Variants in POLR3K observed in about 807,000 individuals in gnomAD.
POLR3K encodes the protein RNA polymerase III subunit K.
Under a neutral mutation model 13.5 loss-of-function variants are expected in POLR3K, and 11 were observed. The ratio of observed to expected loss-of-function variants is 0.81; its 90% CI spans 0.51 to 1.35. The LOEUF (loss-of-function observed/expected upper bound fraction) is 1.35. Among genes scored for constraint, POLR3K ranks in the 40% most tolerant of loss-of-function variants. POLR3K has a pLI of 0.00. For missense variants in POLR3K, 144 were observed against 145.3 expected (o/e 0.99, Z 0.05); for synonymous variants, 56 against 51.5 (o/e 1.09, Z -0.38).
intron 2 of POLR3K, among the ~76,000 whole-genome samples, chr16:49,588 G>A (rs919421991): frequency 5.3e-5 from 8 of 150,692 alleles, no homozygotes; most frequent in Non-Finnish European, 7.4e-5. Flanking sequence ...TCCTGCCTCA[G>A]CCTCCTGAGT....
intron 1 of POLR3K, among the ~76,000 whole-genome samples, chr16:52,631 T>C (rs1240119457): frequency 2.0e-5 from 3 of 150,210 alleles, no homozygotes; most frequent in Non-Finnish European, 4.4e-5. Flanking sequence ...CCAGGGGTGG[T>C]GGCGGACGCC....
chr16:50,667 C>A (rs528588111), intron 2 of POLR3K, among the ~76,000 whole-genome samples: 2 of 152,036 alleles, frequency 1.3e-5, no homozygotes, highest in South Asian at 4.2e-4. Context: ...GGTCTACAGG[C>A]GAGCGCCACC....
At position 47,325 on chromosome 16, in the gene POLR3K, C is replaced by G; in HGVS notation, c.*105G>C. On this transcript the variant is annotated 3_prime_UTR_variant, in exon 3 of 3. Coordinates refer to ENST00000293860, the MANE Select transcript of POLR3K (RefSeq NM_016310.5). Reference sequence around the variant, plus strand: ...TCACCTCAAAAGGTTTATCTTTCCACCACACTAGCAAAGACCCTCAGGACA... The same window carrying G: ...TCACCTCAAAAGGTTTATCTTTCCAGCACACTAGCAAAGACCCTCAGGACA... 2 of 1,415,972 alleles carry G rather than the reference C, an allele frequency of 1.4e-6. No homozygotes were observed. Among genetic ancestry groups the G allele is most frequent in the Non-Finnish European group, 1.9e-6 (2 of 1,053,568 alleles). The allele number at this position is 1,415,972 out of a possible 1,614,324, so 87.7% of individuals were successfully genotyped here. A position where few individuals can be genotyped will look rare whatever the true frequency, so the allele number is the denominator to read the frequency against.
intron 2 of POLR3K, 76 bp from the exon 3 acceptor site, chr16:47,633 A>G (rs1897295910): frequency 6.7e-7 from 1 of 1,503,526 alleles, no homozygotes; most frequent in Admixed American, 1.8e-5. Context: ...GGTATTACTT[A>G]ATATGTGGGA....
chr16:53,202 T>C (rs1348114817), intron 1 of POLR3K: 3 of 520,298 alleles, frequency 5.8e-6, no homozygotes, highest in Non-Finnish European at 9.5e-6. Flanking sequence ...AGCACGGACC[T>C]GCGTGCCTCA....
chr16:48,010 C>T (rs1897299656), intron 2 of POLR3K, among the ~76,000 whole-genome samples: 1 of 149,108 alleles, frequency 6.7e-6, no homozygotes, highest in Non-Finnish European at 1.5e-5. Flanking sequence ...TTGCCTCAGC[C>T]TCCCAAGTAG....
chr16:47,818 T>C (rs1237504487), intron 2 of POLR3K, among the ~76,000 whole-genome samples: 1 of 124,358 alleles, frequency 8.0e-6, no homozygotes, highest in Non-Finnish European at 1.6e-5. Context: ...GAGGCAGAGA[T>C]TGCAGTGAGC....
chr16:47,682 G>C, intron 2 of POLR3K, 125 bp from the exon 3 acceptor site: 1 of 927,716 alleles, frequency 1.1e-6, no homozygotes, highest in South Asian at 1.6e-5. Flanking sequence ...AGGAGTTCGA[G>C]ACCATCCTGG....
At chr16:49,574 A>G (rs532525068) in intron 2 of POLR3K, among the ~76,000 whole-genome samples, 49 of 150,968 alleles carry the variant, frequency 3.2e-4, no homozygotes, top group African/African-American at 1.2e-3. Context: ...GGTTCAAGCA[A>G]TTCTCCTGCC....
At chr16:48,450 A>G (rs1897302596) in intron 2 of POLR3K, among the ~76,000 whole-genome samples, 1 of 152,172 alleles carries the variant, frequency 6.6e-6, no homozygotes, top group African/African-American at 2.4e-5. Context: ...AATGCCTAAG[A>G]CTAAGTAATG....
intron 1 of POLR3K, among the ~76,000 whole-genome samples, chr16:52,765 CAAAAAAAAAAAAAAA>C (rs946489081): frequency 4.8e-4 from 16 of 33,598 alleles, no homozygotes; most frequent in African/African-American, 1.5e-3. Flanking sequence ...GACTCCGTCT[CAAAAAAAAAAAAAAA>C]AAAAAAAAAA....
chr16:49,773 G>A (rs1897316160), intron 2 of POLR3K, among the ~76,000 whole-genome samples: 1 of 151,774 alleles, frequency 6.6e-6, no homozygotes, highest in Admixed American at 6.6e-5. Flanking sequence ...CCAAGTAGCT[G>A]GGATTACAGG....
Position 47,568 on chromosome 16 carries a change from GAAAA to G in POLR3K, c.200-15_200-12del, listed in dbSNP as rs1050793151. 6 of 1,608,848 alleles carry G rather than the reference GAAAA, an allele frequency of 3.7e-6. No individual in the cohort carries two copies. The African/African-American group carries it at 8.0e-5, about 22-fold the overall frequency. ...ATTTGGGACACGACTCTGGCAATGAGAAAAAAGAAGTGACCACATTTAAAAAAAG... is the reference window on the plus strand; with the variant it reads ...ATTTGGGACACGACTCTGGCAATGAGAAGAAGTGACCACATTTAAAAAAAG... On this transcript the variant is annotated splice_polypyrimidine_tract_variant and intron_variant, in intron 2 of 2. Coordinates refer to ENST00000293860, the MANE Select transcript of POLR3K (RefSeq NM_016310.5).
intron 2 of POLR3K, among the ~76,000 whole-genome samples, chr16:49,561 C>G (rs2141833800): frequency 6.6e-6 from 1 of 151,790 alleles, no homozygotes; most frequent in Non-Finnish European, 1.5e-5. Flanking sequence ...ACCTCCGCCT[C>G]CTGGTTCAAG....
chr16:51,862 T>C (rs1897334198), intron 1 of POLR3K: 3 of 414,856 alleles, frequency 7.2e-6, no homozygotes, highest in African/African-American at 2.1e-5. Context: ...CTACTAAAAA[T>C]ACAAAAAATT....
Position 47,288 on chromosome 16 carries a change from C to T in POLR3K, c.*142G>A. The T allele has an allele frequency of 9.0e-7, 1 of 1,111,272 alleles. No individual in the cohort carries two copies. The highest frequency in any genetic ancestry group is 1.7e-5 in the South Asian group (1 of 57,990). The allele number at this position is 1,111,272 out of a possible 1,614,324, so 68.8% of individuals were successfully genotyped here. A position where few individuals can be genotyped will look rare whatever the true frequency, so the allele number is the denominator to read the frequency against. On this transcript the variant is annotated 3_prime_UTR_variant, in exon 3 of 3. Coordinates refer to ENST00000293860, the MANE Select transcript of POLR3K (RefSeq NM_016310.5). Reference sequence around the variant, plus strand: ...CTGGCAGATAGGCCATATTTCCTGACCCCCTGGCTCTTCACCTCAAAAGGT... The same window carrying T: ...CTGGCAGATAGGCCATATTTCCTGATCCCCTGGCTCTTCACCTCAAAAGGT...
rs749087814 is a variant in POLR3K at position 47,408 on chromosome 16, G to C, written c.*22C>G. 1.2e-6 allele frequency: 2 copies of C among 1,609,602 alleles called. No individual in the cohort carries two copies. Among genetic ancestry groups the C allele is most frequent in the Non-Finnish European group, 1.7e-6 (2 of 1,177,292 alleles). ...CGAGGGACAAGGCAAGCACACACTAGGGCAGCTGGGCCATCCTGGCCCTAA... is the reference window on the plus strand; with the variant it reads ...CGAGGGACAAGGCAAGCACACACTACGGCAGCTGGGCCATCCTGGCCCTAA... On this transcript the variant is annotated 3_prime_UTR_variant, in exon 3 of 3. Coordinates refer to ENST00000293860, the MANE Select transcript of POLR3K (RefSeq NM_016310.5).
At chr16:47,718 C>T (rs1474820514) in intron 2 of POLR3K, among the ~76,000 whole-genome samples, 161 bp from the exon 3 acceptor site, 1 of 151,330 alleles carries the variant, frequency 6.6e-6, no homozygotes, top group Admixed American at 6.6e-5. Context: ...CCCATCTCTA[C>T]TAAAAATACA....
At chr16:50,683 C>T (rs1897323693) in intron 2 of POLR3K, among the ~76,000 whole-genome samples, 1 of 152,002 alleles carries the variant, frequency 6.6e-6, no homozygotes, top group Admixed American at 6.6e-5. Flanking sequence ...CCACCACACC[C>T]GGCTAATTAT....
Sources: gnomAD v4.1 joint callset for allele counts (sites outside exome capture counted in the v4.1 genomes callset) on GRCh38, gnomAD v4.1.1 for gene constraint, MANE v1.5 for transcripts, NCBI Gene and HGNC (gene_info 2026-07-23, HGNC 2026-07-21) for gene names.